Variants in COPG2 observed in about 807,000 individuals in gnomAD.
The protein encoded by COPG2 is coat protein complex I subunit gamma 2.
COPG2 carries 37 observed loss-of-function variants against 46.3 expected under a neutral mutation model. The observed-to-expected ratio is 0.80, with a 90% confidence interval of 0.61 to 1.05. The LOEUF is 1.05. COPG2 is among the 50% of genes least tolerant of loss of function. The pLI, the probability that COPG2 is intolerant of heterozygous loss-of-function variation, is 0.00. For synonymous variants in COPG2, 159 were observed against 129.7 expected (o/e 1.23, Z -1.53); for missense variants, 427 against 387.8 (o/e 1.10, Z -0.85).
chr7:130,538,554 C>A (rs1364905656), intron 20 of COPG2, among the ~76,000 whole-genome samples: 1 of 151,838 alleles, frequency 6.6e-6, no homozygotes, highest in African/African-American at 2.4e-5. Context: ...AGAAGTGGAT[C>A]CTTAGGAAAG....
intron 20 of COPG2, chr7:130,511,926 A>G (rs994640958): frequency 4.5e-5 from 22 of 486,804 alleles, no homozygotes; most frequent in Non-Finnish European, 7.8e-5. Context: ...ATAAAAAGCT[A>G]TAGATGGGCC....
intron 9 of COPG2, among the ~76,000 whole-genome samples, chr7:130,582,561 A>G (rs1794174615): frequency 6.6e-6 from 1 of 151,590 alleles, no homozygotes; most frequent in African/African-American, 2.4e-5. Flanking sequence ...TGAACAGGCA[A>G]CCTACAAAAT....
At chr7:130,590,966 G>A (rs1158870728) in intron 9 of COPG2, among the ~76,000 whole-genome samples, 5 of 146,940 alleles carry the variant, frequency 3.4e-5, no homozygotes, top group Admixed American at 3.3e-4. Context: ...GAAGTGAGGA[G>A]CCCCTCCGCC....
chr7:130,588,501 A>C (rs976189847), intron 9 of COPG2, among the ~76,000 whole-genome samples: 1 of 152,178 alleles, frequency 6.6e-6, no homozygotes, highest in Non-Finnish European at 1.5e-5. Context: ...TTGTAGGGAC[A>C]TGGATGAAAT....
At chr7:130,536,304 T>C (rs1043854636) in intron 20 of COPG2, among the ~76,000 whole-genome samples, 1 of 151,672 alleles carries the variant, frequency 6.6e-6, no homozygotes, top group Admixed American at 6.6e-5. Flanking sequence ...TACTAAATGC[T>C]AGAAATAGGA....
chr7:130,665,688 T>C (rs1251436462), intron 3 of COPG2, among the ~76,000 whole-genome samples: 1 of 152,132 alleles, frequency 6.6e-6, no homozygotes, highest in African/African-American at 2.4e-5. Context: ...ACCATTTGTA[T>C]GAGGGACTTG....
At chr7:130,610,216 T>C in intron 9 of COPG2, 1 of 427,458 alleles carries the variant, frequency 2.3e-6, no homozygotes, top group Non-Finnish European at 4.5e-6. Flanking sequence ...CTTTTTCATT[T>C]TTAGCAGCTA....
At chr7:130,509,859 CTG>C (rs782574158) in intron 20 of COPG2, 11 of 495,852 alleles carry the variant, frequency 2.2e-5, no homozygotes, top group Middle Eastern at 3.2e-4. Flanking sequence ...CCTGGGAAAA[CTG>C]TAAAAAATGT....
In COPG2 at chr7:130,590,052, T is replaced by C. The variant is rs973980199; in HGVS notation, c.737+20901A>G. On this transcript the variant is annotated intron_variant, in intron 9 of 23. Coordinates refer to ENST00000425248, the MANE Select transcript of COPG2 (RefSeq NM_012133.6). ...ATATTTTATTTTTCCTATCAAAAGA[T>C]TGTATTTTTCTTATGTTTAGTTTTA... is the stretch of plus-strand genomic sequence containing the variant. Among the ~76,000 whole-genome samples the C allele has an allele frequency of 3.9e-5, 6 of 152,300 alleles. No homozygotes were observed. The South Asian group carries it at 1.0e-3, about 26-fold the overall frequency.
At chr7:130,510,969 CA>C (rs782103123) in intron 20 of COPG2, 2 of 520,060 alleles carry the variant, frequency 3.8e-6, no homozygotes, top group Admixed American at 3.9e-5. Flanking sequence ...TGAAGATCTG[CA>C]TTAAAACTGT....
At chr7:130,657,361 T>C (rs1795877661) in intron 4 of COPG2, among the ~76,000 whole-genome samples, 1 of 152,090 alleles carries the variant, frequency 6.6e-6, no homozygotes, top group Admixed American at 6.6e-5. Flanking sequence ...AAACCAACCA[T>C]TACTTTATAC....
chr7:130,580,137 C>G (rs1794104326), intron 9 of COPG2, among the ~76,000 whole-genome samples: 1 of 152,054 alleles, frequency 6.6e-6, no homozygotes, highest in Non-Finnish European at 1.5e-5. Context: ...GAGATTATAA[C>G]AAACTATCTC....
At chr7:130,634,654 T>C (rs1304145297) in intron 5 of COPG2, among the ~76,000 whole-genome samples, 2 of 152,204 alleles carry the variant, frequency 1.3e-5, no homozygotes, top group African/African-American at 2.4e-5. Flanking sequence ...AATCATGTCA[T>C]CTGCAAACAG....
At chr7:130,639,812 A>C (rs1795427313) in intron 5 of COPG2, among the ~76,000 whole-genome samples, 1 of 152,192 alleles carries the variant, frequency 6.6e-6, no homozygotes, top group South Asian at 2.1e-4. Flanking sequence ...CTGGCAGTCA[A>C]AGACACCTTT....
chr7:130,636,253 A>G (rs535716342), intron 5 of COPG2, among the ~76,000 whole-genome samples: 1 of 152,282 alleles, frequency 6.6e-6, no homozygotes, highest in African/African-American at 2.4e-5. Context: ...AGTCCTGAAT[A>G]TCCTTGTTAA....
intron 5 of COPG2, among the ~76,000 whole-genome samples, chr7:130,631,859 CTTCA>C (rs1412294061): frequency 1.3e-5 from 2 of 152,100 alleles, no homozygotes; most frequent in African/African-American, 4.8e-5. Flanking sequence ...AGATCCATAT[CTTCA>C]TTATCATTTT....
At chr7:130,576,508 C>A (rs1563047411) in intron 9 of COPG2, among the ~76,000 whole-genome samples, 1 of 152,166 alleles carries the variant, frequency 6.6e-6, no homozygotes, top group Non-Finnish European at 1.5e-5. Context: ...TCAAAGAATT[C>A]TTCGAACTGA....
intron 9 of COPG2, among the ~76,000 whole-genome samples, chr7:130,585,304 A>G (rs1249499370): frequency 6.6e-6 from 1 of 152,114 alleles, no homozygotes; most frequent in Non-Finnish European, 1.5e-5. Flanking sequence ...CTTACCTTAT[A>G]CAAAAATCAA....
intron 5 of COPG2, among the ~76,000 whole-genome samples, chr7:130,634,271 G>A (rs540860831): frequency 1.3e-5 from 2 of 152,252 alleles, no homozygotes; most frequent in South Asian, 2.1e-4. Context: ...GCCAATGGGA[G>A]CTTAATGGGG....
Sources: gnomAD v4.1 joint callset for allele counts (sites outside exome capture counted in the v4.1 genomes callset) on GRCh38, gnomAD v4.1.1 for gene constraint, MANE v1.5 for transcripts, NCBI Gene and HGNC (gene_info 2026-07-23, HGNC 2026-07-21) for gene names.